Variants in CADM2 observed in about 807,000 individuals in gnomAD.
CADM2 encodes the protein immunoglobulin superfamily member 4D.
CADM2 carries 12 observed loss-of-function variants against 49.8 expected under a neutral mutation model. The ratio of observed to expected loss-of-function variants is 0.24; its 90% CI spans 0.15 to 0.39. The LOEUF (loss-of-function observed/expected upper bound fraction) is 0.39, where lower values mean the gene tolerates loss of function less well. Ranked by LOEUF, CADM2 falls within the 10% of genes least tolerant of loss-of-function variation. The pLI is 1.00. For synonymous variants in CADM2, 214 were observed against 175.4 expected, an observed-to-expected ratio of 1.22 and a Z score of -1.74; for missense variants, 378 against 492.3, an observed-to-expected ratio of 0.77 and a Z score of 2.20.
intron 1 of CADM2, among the ~76,000 whole-genome samples, chr3:85,587,285 G>A (rs1463375581): frequency 2.0e-5 from 3 of 152,150 alleles, no homozygotes; most frequent in African/African-American, 4.8e-5. Flanking sequence ...CCCAAGTCAC[G>A]CATTATTTAT....
At chr3:84,983,721 C>T (rs986459338) in intron 1 of CADM2, among the ~76,000 whole-genome samples, 11 of 152,106 alleles carry the variant, frequency 7.2e-5, no homozygotes, top group Admixed American at 6.6e-4. Flanking sequence ...ATATTATTTT[C>T]CCTTTTAACT....
At chr3:85,317,691 T>G (rs535010392) in intron 1 of CADM2, among the ~76,000 whole-genome samples, 1 of 152,192 alleles carries the variant, frequency 6.6e-6, no homozygotes, top group African/African-American at 2.4e-5. Context: ...TATCCATTCA[T>G]GAGGGCAGAG....
At chr3:85,075,226 G>T (rs968526937) in intron 1 of CADM2, among the ~76,000 whole-genome samples, 56 of 140,978 alleles carry the variant, frequency 4.0e-4, no homozygotes, top group South Asian at 1.1e-3. Context: ...CAGTTTTTTT[G>T]TTTTTTTTTT....
intron 1 of CADM2, among the ~76,000 whole-genome samples, chr3:85,356,384 T>C (rs944049611): frequency 6.6e-6 from 1 of 151,990 alleles, no homozygotes; most frequent in East Asian, 1.9e-4. Flanking sequence ...CTCTAAACTA[T>C]TGAGAAACAT....
rs1240469551 is a variant in CADM2 at position 85,222,953 on chromosome 3, A to G, written c.61+263285A>G. On this transcript the variant is annotated intron_variant, in intron 1 of 9. Coordinates refer to ENST00000383699, the MANE Select transcript of CADM2 (RefSeq NM_001167675.2). ...TTTCATAGAACTTTCAAAAACATGT[A>G]TTATTTTCCTCTTTAGAACTACTAT... is the stretch of plus-strand genomic sequence containing the variant. Among the ~76,000 whole-genome samples the G allele has an allele frequency of 2.4e-4, 37 of 152,122 alleles. 1 individual carries two copies. Among genetic ancestry groups the G allele is most frequent in the Admixed American group, 2.4e-3 (37 of 15,260 alleles).
At chr3:85,292,251 T>C (rs1046035457) in intron 1 of CADM2, among the ~76,000 whole-genome samples, 9 of 149,166 alleles carry the variant, frequency 6.0e-5, no homozygotes, top group Non-Finnish European at 1.2e-4. Context: ...ATCCTAAATA[T>C]ATATGCAACC....
intron 1 of CADM2, among the ~76,000 whole-genome samples, chr3:85,253,760 G>C (rs2042826643): frequency 6.6e-6 from 1 of 152,004 alleles, no homozygotes; most frequent in South Asian, 2.1e-4. Context: ...GAACTGTGTG[G>C]GTCAGAGTCC....
At chr3:84,974,594 T>G (rs113514512) in intron 1 of CADM2, among the ~76,000 whole-genome samples, 29 of 152,014 alleles carry the variant, frequency 1.9e-4, no homozygotes, top group African/African-American at 7.0e-4. Context: ...TTGGTCCTGT[T>G]CTGTTCATTA....
At chr3:85,522,538 A>T (rs1559884682) in intron 1 of CADM2, among the ~76,000 whole-genome samples, 1 of 152,158 alleles carries the variant, frequency 6.6e-6, no homozygotes, top group Non-Finnish European at 1.5e-5. Flanking sequence ...TTTAAACTAC[A>T]TATGGCAATT....
intron 1 of CADM2, among the ~76,000 whole-genome samples, chr3:85,527,585 C>G (rs1368582176): frequency 5.9e-5 from 7 of 118,374 alleles, no homozygotes; most frequent in Non-Finnish European, 1.4e-4. Flanking sequence ...TCAAAAGACT[C>G]TTAGTTGTAA....
At chr3:85,309,136 AGG>A (rs766643171) in intron 1 of CADM2, among the ~76,000 whole-genome samples, 2 of 152,088 alleles carry the variant, frequency 1.3e-5, no homozygotes, top group Non-Finnish European at 2.9e-5. Context: ...AAGGGCTCTA[AGG>A]GTTCATTTAG....
At chr3:84,991,542 C>T (rs1559605940) in intron 1 of CADM2, among the ~76,000 whole-genome samples, 1 of 152,016 alleles carries the variant, frequency 6.6e-6, no homozygotes, top group Non-Finnish European at 1.5e-5. Context: ...TTAGAATGGC[C>T]AAAATCCAGA....
At chr3:85,786,174 C>A (rs1382347244) in intron 2 of CADM2, among the ~76,000 whole-genome samples, 1 of 151,928 alleles carries the variant, frequency 6.6e-6, no homozygotes, top group Admixed American at 6.6e-5. Context: ...TACACTTTCA[C>A]CTTAATTTTT....
At chr3:86,050,452 G>A (rs1313004808) in intron 8 of CADM2, among the ~76,000 whole-genome samples, 1 of 152,206 alleles carries the variant, frequency 6.6e-6, no homozygotes, top group African/African-American at 2.4e-5. Flanking sequence ...CTGGAGGACA[G>A]TGACTCTACT....
At chr3:85,575,179 C>T (rs917711616) in intron 1 of CADM2, among the ~76,000 whole-genome samples, 5 of 152,048 alleles carry the variant, frequency 3.3e-5, no homozygotes, top group Non-Finnish European at 5.9e-5. Context: ...TATGTGTATC[C>T]GTAAGTTCCT....
chr3:85,981,029 C>G (rs1727413714), intron 8 of CADM2, among the ~76,000 whole-genome samples: 1 of 151,238 alleles, frequency 6.6e-6, no homozygotes, highest in African/African-American at 2.4e-5. Flanking sequence ...CTCCCCACCC[C>G]CAACAAACAG....
chr3:85,757,362 T>C (rs2069170281), intron 2 of CADM2, among the ~76,000 whole-genome samples: 1 of 152,066 alleles, frequency 6.6e-6, no homozygotes, highest in Non-Finnish European at 1.5e-5. Flanking sequence ...TTTAGAGAAA[T>C]AAAGAAACAT....
intron 1 of CADM2, among the ~76,000 whole-genome samples, chr3:85,197,264 A>G (rs190459006): frequency 9.9e-5 from 15 of 152,038 alleles, no homozygotes; most frequent in African/African-American, 2.9e-4. Flanking sequence ...CACATCCTAC[A>G]TAATTTTATA....
At position 85,489,788 on chromosome 3, in the gene CADM2, C is replaced by CGTGT. The variant is rs765287422; in HGVS notation, c.62-236718_62-236715dup. 2.2e-4 allele frequency among the ~76,000 whole-genome samples: 32 copies of CGTGT among 143,564 alleles called. No homozygotes were observed. In the East Asian group the frequency reaches 5.2e-3, roughly 23 times the overall value. 94.2% of individuals were successfully genotyped at this position (143,564 alleles called of 152,430 possible). ...AGAGAGAGAGAGAGAAATTATTTAA[C>CGTGT]GTGTGTGTGTGTGTGTGTGAGAGAG... is the stretch of plus-strand genomic sequence containing the variant. On this transcript the variant is annotated intron_variant, in intron 1 of 9. Coordinates refer to ENST00000383699, the MANE Select transcript of CADM2 (RefSeq NM_001167675.2).
Sources: gnomAD v4.1 joint callset for allele counts (sites outside exome capture counted in the v4.1 genomes callset) on GRCh38, gnomAD v4.1.1 for gene constraint, MANE v1.5 for transcripts, NCBI Gene and HGNC (gene_info 2026-07-23, HGNC 2026-07-21) for gene names.